Variants in SLC30A8 observed in about 807,000 individuals in gnomAD.
SLC30A8 encodes solute carrier family 30 member 8, also known as proton-coupled zinc antiporter SLC30A8.
SLC30A8 carries 27 observed loss-of-function variants against 36.9 expected under a neutral mutation model. The observed-to-expected ratio is 0.73, with a 90% CI of 0.54 to 1.01. SLC30A8 has a LOEUF of 1.01. Ranked by LOEUF, SLC30A8 falls within the 50% of genes least tolerant of loss-of-function variation. The pLI is 0.00. For synonymous variants in SLC30A8, 164 were observed against 172.4 expected, an observed-to-expected ratio of 0.95 and a Z score of 0.38; for missense variants, 439 against 452.0, an observed-to-expected ratio of 0.97 and a Z score of 0.26.
intron 1 of SLC30A8, among the ~76,000 whole-genome samples, chr8:117,005,731 C>T (rs184829586): frequency 6.6e-6 from 1 of 152,296 alleles, no homozygotes; most frequent in Non-Finnish European, 1.5e-5. Context: ...ATTGTTTTTA[C>T]TTCTTCAACT....
intron 4 of SLC30A8, among the ~76,000 whole-genome samples, chr8:117,158,438 T>G (rs1822613317): frequency 6.6e-6 from 1 of 152,242 alleles, no homozygotes. Context: ...GTTTCATATA[T>G]TTTAATAGAA....
chr8:116,967,433 C>G (rs577193037), intron 1 of SLC30A8, among the ~76,000 whole-genome samples: 1 of 152,096 alleles, frequency 6.6e-6, no homozygotes, highest in Non-Finnish European at 1.5e-5. Flanking sequence ...CCACGTTGCC[C>G]TGAAGATTGT....
chr8:117,019,609 G>A (rs10429428), intron 1 of SLC30A8, among the ~76,000 whole-genome samples: 66,247 of 151,992 alleles, frequency 0.44, 15,135 homozygotes, highest in African/African-American at 0.56. Context: ...TCCTTCTTGA[G>A]GGCAAGAAAT....
chr8:117,006,806 G>A (rs1816188229), intron 1 of SLC30A8, among the ~76,000 whole-genome samples: 1 of 115,456 alleles, frequency 8.7e-6, no homozygotes, highest in Non-Finnish European at 1.7e-5. Flanking sequence ...TTTTTGAGAC[G>A]GAATCTGGCT....
chr8:116,956,808 T>C (rs900924790), intron 1 of SLC30A8, among the ~76,000 whole-genome samples: 2 of 152,176 alleles, frequency 1.3e-5, no homozygotes, highest in African/African-American at 4.8e-5. Context: ...GGCACCGAAG[T>C]AAAAATGTTA....
intron 2 of SLC30A8, among the ~76,000 whole-genome samples, chr8:117,062,824 G>T (rs2130787616): frequency 6.6e-6 from 1 of 152,308 alleles, no homozygotes; most frequent in Admixed American, 6.5e-5. Flanking sequence ...CTCTTTGATG[G>T]CTGTGATCTC....
At position 117,174,226 on chromosome 8, in the gene SLC30A8, C is replaced by G. The variant is rs1823551032; in HGVS notation, c.*1545C>G. 1 of 152,090 alleles carries G rather than the reference C, an allele frequency of 6.6e-6. No homozygotes were observed. Among genetic ancestry groups the G allele is most frequent in the African/African-American group, 2.4e-5 (1 of 41,418 alleles). The allele number at this position is 152,090 out of a possible 1,614,324, so 9.4% of individuals were successfully genotyped here. ...CTCTAGCAAGGTACTAGAAACCTAG[C>G]AGGCATTAATAATTGTTGAGGCAAT... On this transcript the variant is annotated 3_prime_UTR_variant, in exon 8 of 8. Coordinates refer to ENST00000456015, the MANE Select transcript of SLC30A8 (RefSeq NM_173851.3).
intron 2 of SLC30A8, among the ~76,000 whole-genome samples, chr8:117,083,404 G>A: frequency 6.6e-6 from 1 of 152,152 alleles, no homozygotes; most frequent in East Asian, 1.9e-4. Flanking sequence ...TCAAATGACT[G>A]GTTGATAAGG....
chr8:117,092,243 A>G (rs963566789), intron 2 of SLC30A8, among the ~76,000 whole-genome samples: 3 of 152,236 alleles, frequency 2.0e-5, no homozygotes, highest in African/African-American at 7.2e-5. Flanking sequence ...GTGACTCCTC[A>G]TATGAGCAAA....
At chr8:116,960,292 T>C (rs1563723266) in intron 1 of SLC30A8, among the ~76,000 whole-genome samples, 1 of 152,340 alleles carries the variant, frequency 6.6e-6, no homozygotes, top group South Asian at 2.1e-4. Flanking sequence ...TTTGATAGAA[T>C]AGAGGATGAC....
At chr8:117,127,782 AG>A (rs1383924359) in intron 2 of SLC30A8, among the ~76,000 whole-genome samples, 1 of 152,024 alleles carries the variant, frequency 6.6e-6, no homozygotes. Context: ...TTGATGCTGA[AG>A]GTAACTGGCC....
chr8:117,106,079 A>T lies in SLC30A8; in HGVS notation c.-225-29201A>T, dbSNP rs899828567. The stretch of plus-strand genomic sequence containing the variant: ...TTATTAATCTCTCATTCTCTCACTT[A>T]TTCATTCCACAAACATTTGTAGAAG... On this transcript the variant is annotated intron_variant, in intron 2 of 10. Coordinates refer to the SLC30A8 transcript ENST00000427715. Among the ~76,000 whole-genome samples, 5 of 152,196 alleles carry T rather than the reference A, an allele frequency of 3.3e-5. No individual in the cohort carries two copies. The South Asian group carries it at 6.2e-4, about 19-fold the overall frequency.
intron 1 of SLC30A8, among the ~76,000 whole-genome samples, chr8:117,135,641 G>C (rs1031283146): frequency 6.6e-6 from 1 of 151,808 alleles, no homozygotes; most frequent in African/African-American, 2.4e-5. Flanking sequence ...TTTTTCATCT[G>C]TCATGTTTAT....
chr8:116,978,463 A>G (rs1028752083), intron 1 of SLC30A8, among the ~76,000 whole-genome samples: 6 of 152,224 alleles, frequency 3.9e-5, no homozygotes, highest in Non-Finnish European at 8.8e-5. Flanking sequence ...TGCTTTATAT[A>G]GTCTTTTCTT....
chr8:116,993,908 T>C (rs971404467), intron 1 of SLC30A8, among the ~76,000 whole-genome samples: 7 of 152,036 alleles, frequency 4.6e-5, no homozygotes, highest in African/African-American at 1.7e-4. Flanking sequence ...ATTTAAAATA[T>C]TAGGTTTAAT....
rs1385222210 is a variant in SLC30A8, at chr8:117,139,033, G to C, written c.71+3635G>C. 4.6e-5 allele frequency among the ~76,000 whole-genome samples: 7 copies of C among 152,016 alleles called. No homozygotes were observed. In the East Asian group the frequency reaches 1.4e-3, roughly 29 times the overall value. Reference sequence around the variant, plus strand: ...GTGGACAATTAAGAGTAGGCTTGTTGCTTCATGATAGCAACAAGATAGTGG... The same window carrying C: ...GTGGACAATTAAGAGTAGGCTTGTTCCTTCATGATAGCAACAAGATAGTGG... On this transcript the variant is annotated intron_variant, in intron 1 of 7. Coordinates refer to ENST00000456015, the MANE Select transcript of SLC30A8 (RefSeq NM_173851.3).
intron 1 of SLC30A8, among the ~76,000 whole-genome samples, chr8:116,975,838 GGA>G (rs1451448561): frequency 2.0e-5 from 3 of 152,234 alleles, no homozygotes; most frequent in Non-Finnish European, 2.9e-5. Flanking sequence ...TGGAATAGCA[GGA>G]GATAGACTTA....
intron 1 of SLC30A8, among the ~76,000 whole-genome samples, chr8:117,032,458 A>G (rs1817084561): frequency 6.6e-6 from 1 of 152,248 alleles, no homozygotes; most frequent in Non-Finnish European, 1.5e-5. Flanking sequence ...TTCATTTTTC[A>G]GCTTCTAAAA....
chr8:117,071,094 T>C (rs1213497925), intron 2 of SLC30A8, among the ~76,000 whole-genome samples: 1 of 152,222 alleles, frequency 6.6e-6, no homozygotes, highest in African/African-American at 2.4e-5. Context: ...AGGATAGTTC[T>C]ATTTTTAATT....
Sources: gnomAD v4.1 joint callset for allele counts (sites outside exome capture counted in the v4.1 genomes callset) on GRCh38, gnomAD v4.1.1 for gene constraint, MANE v1.5 for transcripts, NCBI Gene and HGNC (gene_info 2026-07-23, HGNC 2026-07-21) for gene names.